CENPP: variants seen among roughly 807,000 people sequenced by gnomAD.
CENPP encodes the protein centromere protein P.
A neutral mutation model predicts 35.6 loss-of-function variants in CENPP; 24 were observed. That is an observed-to-expected ratio of 0.67 (90% CI 0.49 to 0.95). The LOEUF is 0.95. Ranked by LOEUF, CENPP falls within the 40% of genes least tolerant of loss-of-function variation. The pLI, the probability that CENPP is intolerant of heterozygous loss-of-function variation, is 0.00. For missense variants in CENPP, 332 were observed against 345.3 expected (o/e 0.96, Z 0.31); for synonymous variants, 120 against 125.5 (o/e 0.96, Z 0.29).
Position 92,593,011 on chromosome 9 carries a change from G to T in CENPP, c.565-18303G>T, listed in dbSNP as rs1850701825. Among the ~76,000 whole-genome samples, 1 of 152,230 alleles carries T rather than the reference G, an allele frequency of 6.6e-6. No homozygotes were observed. Among genetic ancestry groups the T allele is most frequent in the Admixed American group, 6.5e-5 (1 of 15,280 alleles). ...ACATTAGTGGCTCCTGTAGCTAGCA[G>T]AGAGACTGGAGTAGCTCAGACAACC... On this transcript the variant is annotated intron_variant, in intron 5 of 7. Coordinates refer to ENST00000375587, the MANE Select transcript of CENPP (RefSeq NM_001012267.3). The surrounding 1 kb of genome is among the most constrained non-coding windows in gnomAD (Gnocchi z 4.1).
intron 5 of CENPP, among the ~76,000 whole-genome samples, chr9:92,507,116 C>G (rs919954609): frequency 6.6e-6 from 1 of 152,074 alleles, no homozygotes; most frequent in African/African-American, 2.4e-5. Flanking sequence ...ACGTCTGGCT[C>G]TCATTCTCTA....
chr9:92,474,515 A>C (rs1845636677), intron 5 of CENPP: 1 of 1,440,042 alleles, frequency 6.9e-7, no homozygotes, highest in Non-Finnish European at 9.1e-7. Flanking sequence ...AAATGAAAAA[A>C]ACTTATACAC....
chr9:92,344,161 A>G (rs10820968), intron 3 of CENPP, among the ~76,000 whole-genome samples: 55,640 of 151,832 alleles, frequency 0.37, 12,497 homozygotes, highest in African/African-American at 0.63. Context: ...TTATTTACCA[A>G]CTGGGGAGAA....
At chr9:92,533,303 CAAAAAAAAAAA>C (rs1174584000) in intron 5 of CENPP, among the ~76,000 whole-genome samples, 42 of 29,880 alleles carry the variant, frequency 1.4e-3, no homozygotes, top group Middle Eastern at 0.036. Flanking sequence ...CGGTCTCAAA[CAAAAAAAAAAA>C]AAAAAAAAAA....
intron 5 of CENPP, among the ~76,000 whole-genome samples, chr9:92,484,855 T>TA (rs1846018552): frequency 1.3e-5 from 2 of 152,246 alleles, no homozygotes; most frequent in Non-Finnish European, 2.9e-5. Context: ...AAAGATATGT[T>TA]ACAGCTACTT....
chr9:92,545,548 C>G (rs1234793935), intron 5 of CENPP, among the ~76,000 whole-genome samples: 1 of 150,052 alleles, frequency 6.7e-6, no homozygotes, highest in Non-Finnish European at 1.5e-5. Context: ...CGGGCCCCTT[C>G]AAGGCCCGAG....
intron 5 of CENPP, among the ~76,000 whole-genome samples, chr9:92,601,693 G>A (rs1189381707): frequency 2.6e-5 from 4 of 152,200 alleles, no homozygotes; most frequent in African/African-American, 9.7e-5. Flanking sequence ...GGGCTGGGAG[G>A]GGACAGCAGG....
At chr9:92,591,185 T>C (rs940666595) in intron 5 of CENPP, among the ~76,000 whole-genome samples, 5 of 152,056 alleles carry the variant, frequency 3.3e-5, no homozygotes, top group Admixed American at 2.0e-4. Flanking sequence ...TTTGGGAGGC[T>C]GAGGCGGGTG....
chr9:92,583,083 T>G (rs767523904), intron 5 of CENPP, among the ~76,000 whole-genome samples: 72 of 152,162 alleles, frequency 4.7e-4, no homozygotes, highest in Non-Finnish European at 7.9e-4. Context: ...AGACTGGTGG[T>G]CGGATTCTCA....
intron 5 of CENPP, among the ~76,000 whole-genome samples, chr9:92,507,421 G>T (rs1847072006): frequency 6.6e-6 from 1 of 152,190 alleles, no homozygotes; most frequent in Non-Finnish European, 1.5e-5. Context: ...GAGAAAAAGA[G>T]AGAAACAGTG....
intron 5 of CENPP, chr9:92,516,945 C>A (rs1029285040): frequency 2.0e-5 from 3 of 152,240 alleles, no homozygotes; most frequent in Non-Finnish European, 4.4e-5. Flanking sequence ...ATGTCCCTAT[C>A]CCTTCCCAGC....
At chr9:92,526,639 C>T (rs748918762) in intron 5 of CENPP, among the ~76,000 whole-genome samples, 6 of 148,884 alleles carry the variant, frequency 4.0e-5, no homozygotes, top group African/African-American at 1.5e-4. Context: ...TTTTCTGAAA[C>T]GATTAAAAAA....
intron 5 of CENPP, among the ~76,000 whole-genome samples, chr9:92,387,404 GCAAGATGTTTC>G (rs1369338086): frequency 6.6e-6 from 1 of 151,842 alleles, no homozygotes; most frequent in Non-Finnish European, 1.5e-5. Context: ...TGTGTTCTTA[GCAAGATGTTTC>G]CCAAAGCAGT....
intron 5 of CENPP, chr9:92,470,930 G>A (rs752087667): frequency 3.5e-6 from 2 of 570,700 alleles, no homozygotes; most frequent in Admixed American, 7.8e-5. Flanking sequence ...AAAAAACATT[G>A]TTTTGGGGGA....
chr9:92,618,507 T>C lies in CENPP; in HGVS notation c.*5358T>C, dbSNP rs571671405. On this transcript the variant is annotated 3_prime_UTR_variant, in exon 8 of 8. Transcript: ENST00000375587. ...CACCCTGCATCCAAGCACATTTCCA[T>C]TGCCCAGCTGCATCCTTGGTCGGGG... The C allele has an allele frequency of 2.4e-5, 11 of 456,684 alleles. No homozygotes were observed. The highest frequency in any genetic ancestry group is 8.0e-5 in the African/African-American group (4 of 50,184). 28.3% of individuals were successfully genotyped at this position (456,684 alleles called of 1,614,324 possible).
intron 5 of CENPP, among the ~76,000 whole-genome samples, chr9:92,412,435 A>G (rs1843470974): frequency 2.0e-5 from 3 of 152,156 alleles, no homozygotes; most frequent in South Asian, 4.1e-4. Flanking sequence ...TTGTACAACC[A>G]TCACCACAGT....
intron 5 of CENPP, among the ~76,000 whole-genome samples, chr9:92,599,181 G>A (rs571167525): frequency 6.6e-6 from 1 of 152,052 alleles, no homozygotes; most frequent in African/African-American, 2.4e-5. Context: ...TTCATCCCTA[G>A]GGGTTTGAAA....
At position 92,561,129 on chromosome 9, in the gene CENPP, A is replaced by C. The variant is rs1046880085; in HGVS notation, c.565-50185A>C. Among the ~76,000 whole-genome samples, 3 of 152,140 alleles carry C rather than the reference A, an allele frequency of 2.0e-5. No homozygotes were observed. The South Asian group carries it at 6.2e-4, about 31-fold the overall frequency. The stretch of plus-strand genomic sequence containing the variant: ...TAATCACATTGCTTTAATATATGCT[A>C]ATGAGTTACATACCTGTTTTAAGTT... On this transcript the variant is annotated intron_variant, in intron 5 of 7. Coordinates refer to ENST00000375587, the MANE Select transcript of CENPP (RefSeq NM_001012267.3).
intron 4 of CENPP, among the ~76,000 whole-genome samples, chr9:92,378,933 T>C (rs948822082): frequency 2.0e-5 from 3 of 152,154 alleles, no homozygotes; most frequent in Admixed American, 6.6e-5. Flanking sequence ...CCACAAGTTA[T>C]AGGCAGAGGT....
Sources: allele counts gnomAD v4.1 joint callset (sites outside exome capture counted in the v4.1 genomes callset), GRCh38; gene constraint gnomAD v4.1.1; non-coding constraint Gnocchi (gnomAD v3.1); transcripts MANE v1.5; gene names NCBI Gene and HGNC (gene_info 2026-07-23, HGNC 2026-07-21).